Variants in MRGPRF observed in about 807,000 individuals in gnomAD.
The protein encoded by MRGPRF is MAS related GPR family member F.
In MRGPRF, 2 loss-of-function variants were observed where a neutral mutation model predicts 3.3. That is an observed-to-expected ratio of 0.61 (90% CI 0.25 to 1.92). The LOEUF (loss-of-function observed/expected upper bound fraction) is 1.92. Ranked by LOEUF, MRGPRF falls within the 40% of genes most tolerant of loss-of-function variation. The pLI is 0.16. For missense variants in MRGPRF, 500 were observed against 476.0 expected, an observed-to-expected ratio of 1.05 and a Z score of -0.47; for synonymous variants, 242 against 222.7, an observed-to-expected ratio of 1.09 and a Z score of -0.77.
rs771332844 is a variant in MRGPRF at position 69,006,211 on chromosome 11, C to G, written c.99G>C (p.Leu33=). Reference sequence around the variant, plus strand: ...GCAGCATCGCGATCTGCTCGATGGTCAGGAAGCCCCGGCTGTAGAGTTCCG... The same window carrying G: ...GCAGCATCGCGATCTGCTCGATGGTGAGGAAGCCCCGGCTGTAGAGTTCCG... The part of the protein sequence containing the change: ...EAPELYSRGF[L]TIEQIAMLPP... Residue 33 remains leucine (L), a synonymous_variant, in exon 3 of 3, where the codon CTG becomes CTC. Coordinates refer to ENST00000309099, the MANE Select transcript of MRGPRF (RefSeq NM_145015.5). 1 of 1,613,570 alleles carries G rather than the reference C, an allele frequency of 6.2e-7. No individual in the cohort carries two copies.
chr11:69,008,469 G>A (rs1041314868), intron 2 of MRGPRF, among the ~76,000 whole-genome samples: 4 of 152,220 alleles, frequency 2.6e-5, no homozygotes. Flanking sequence ...CTGAGAGACT[G>A]TTCTCTGGGT....
In MRGPRF at chr11:69,004,552, C is replaced by G. The variant is rs1314353416; in HGVS notation, c.*726G>C. ...TGGGGGCTGGAGCCAAGAGGCTGTC[C>G]AGGAGCTGCCCAGTGGGTCCTCATG... On this transcript the variant is annotated 3_prime_UTR_variant, in exon 3 of 3. Transcript: ENST00000309099. 1.3e-5 allele frequency: 2 copies of G among 152,366 alleles called. No homozygotes were observed. The highest frequency in any genetic ancestry group is 2.9e-5 in the Non-Finnish European group (2 of 68,148). 9.4% of individuals were successfully genotyped at this position (152,366 alleles called of 1,614,324 possible).
Position 69,005,407 on chromosome 11 carries a change from C to A in MRGPRF, c.903G>T (p.Arg301=). The change falls in exon 3 of 3, where the codon CGG becomes CGT. Residue 301 remains arginine, a synonymous_variant. Transcript: ENST00000309099. Reference sequence around the variant, plus strand: ...AGACCACCCTGAGCGGCTCCCACAGCCGCTGCGACTTGTCCCTCCCGGCCA... The same window carrying A: ...AGACCACCCTGAGCGGCTCCCACAGACGCTGCGACTTGTCCCTCCCGGCCA... ...YFLAGRDKSQ[R]LWEPLRVVFQ... 2 of 1,580,936 alleles carry A rather than the reference C, an allele frequency of 1.3e-6. No homozygotes were observed. Among genetic ancestry groups the A allele is most frequent in the Non-Finnish European group, 1.7e-6 (2 of 1,163,970 alleles).
intron 1 of MRGPRF, among the ~76,000 whole-genome samples, chr11:69,011,142 C>T (rs1355422785): frequency 1.3e-5 from 2 of 152,134 alleles, no homozygotes; most frequent in African/African-American, 4.8e-5. Context: ...CCACGTGCCC[C>T]CGCCCGCCGC....
At position 69,005,779 on chromosome 11, in the gene MRGPRF, C is replaced by T. The variant is rs1289016581; in HGVS notation, c.531G>A (p.Leu177=). ...LWVLSLLVTC[L]HNYFCVFLGR... The stretch of plus-strand genomic sequence containing the variant: ...CCAGGAACACGCAGAAGTAGTTGTG[C>T]AGGCAGGTGACCAGGAGGGACAGGA... The change falls in exon 3 of 3, where the codon CTG becomes CTA. Residue 177 remains leucine, a synonymous_variant. Transcript: ENST00000309099. 5 of 1,543,392 alleles carry T rather than the reference C, an allele frequency of 3.2e-6. No homozygotes were observed. In the East Asian group the frequency reaches 7.3e-5, roughly 23 times the overall value.
rs11326908 is a variant in MRGPRF, at chr11:69,006,619, C to CTTTTTT, written c.49-364_49-359dup. Among the ~76,000 whole-genome samples the CTTTTTT allele has an allele frequency of 4.2e-4, 45 of 107,920 alleles. 1 individual carries two copies. The highest frequency in any genetic ancestry group is 1.0e-3 in the African/African-American group (28 of 26,732). 70.8% of individuals were successfully genotyped at this position (107,920 alleles called of 152,430 possible). A position where few individuals can be genotyped will look rare whatever the true frequency, so the allele number is the denominator to read the frequency against. ...GCACAAAAAACTGCAGAGCCTTTCC[C>CTTTTTT]TTTTTTTTTTTTTTTTTTTTTGAGA... On this transcript the variant is annotated intron_variant, in intron 2 of 2. Transcript: ENST00000309099.
At position 69,006,275 on chromosome 11, in the gene MRGPRF, G is replaced by A. The variant is rs375811365; in HGVS notation, c.49-14C>T. ...GCCAGGGCACATCTGCGCAGGTGCA[G>A]AGAGGGACACCTGTGATGCCGGCTG... On this transcript the variant is annotated splice_polypyrimidine_tract_variant and intron_variant, in intron 2 of 2. Transcript: ENST00000309099. 37 of 1,589,196 alleles carry A rather than the reference G, an allele frequency of 2.3e-5. No homozygotes were observed. The African/African-American group carries it at 4.7e-4, about 20-fold the overall frequency.
upstream of MRGPRF, chr11:69,013,516 C>G (rs115681914): frequency 0.013 from 1,925 of 152,556 alleles, 40 homozygotes; most frequent in African/African-American, 0.043. Context: ...GAGGGAGCAC[C>G]GGCTGTACAC....
In MRGPRF at chr11:69,005,698, G is replaced by A; in HGVS notation, c.612C>T (p.Leu204=). The change falls in exon 3 of 3, where the codon CTC becomes CTT. Residue 204 remains leucine (L), a synonymous_variant. Coordinates refer to ENST00000309099, the MANE Select transcript of MRGPRF (RefSeq NM_145015.5). ...CRHMDIFLGI[L]LFLLCCPLMV... ...TGAGCGGGCAGCAGAGCAGGAACAGGAGGATGCCCAGGAAGATGTCCATGT... is the reference window on the plus strand; with the variant it reads ...TGAGCGGGCAGCAGAGCAGGAACAGAAGGATGCCCAGGAAGATGTCCATGT... 1.3e-6 allele frequency: 2 copies of A among 1,551,006 alleles called. No individual in the cohort carries two copies. Among genetic ancestry groups the A allele is most frequent in the Non-Finnish European group, 1.7e-6 (2 of 1,147,028 alleles).
intron 1 of MRGPRF, among the ~76,000 whole-genome samples, chr11:69,011,670 G>A (rs750967436): frequency 4.6e-5 from 7 of 152,142 alleles, no homozygotes; most frequent in Admixed American, 3.9e-4. Flanking sequence ...TCATCCTTCC[G>A]GGCGCCTGGT....
intron 1 of MRGPRF, among the ~76,000 whole-genome samples, chr11:69,010,523 C>G (rs932568565): frequency 2.6e-5 from 4 of 152,194 alleles, no homozygotes; most frequent in Non-Finnish European, 5.9e-5. Flanking sequence ...CACCACTTAC[C>G]CTGCCAGCCC....
At chr11:69,010,769 C>G (rs1860578636) in intron 1 of MRGPRF, among the ~76,000 whole-genome samples, 1 of 151,976 alleles carries the variant, frequency 6.6e-6, no homozygotes, top group Non-Finnish European at 1.5e-5. Flanking sequence ...AATGGGAGGC[C>G]TGGGGTAGGG....
intron 1 of MRGPRF, among the ~76,000 whole-genome samples, chr11:69,012,774 G>T (rs962675340): frequency 1.3e-5 from 2 of 152,172 alleles, no homozygotes; most frequent in Non-Finnish European, 2.9e-5. Context: ...TGGACGGTGG[G>T]GCTGGGGGTG....
upstream of MRGPRF, chr11:69,013,454 G>A (rs1270552264): frequency 6.6e-6 from 1 of 152,392 alleles, no homozygotes; most frequent in Non-Finnish European, 1.5e-5. Context: ...TGCAGCCCGA[G>A]TCCAGCTGTT....
intron 2 of MRGPRF, among the ~76,000 whole-genome samples, chr11:69,007,651 A>G (rs1408098442): frequency 1.3e-5 from 2 of 152,190 alleles, no homozygotes; most frequent in Admixed American, 1.3e-4. Flanking sequence ...AAATCTTGCA[A>G]TGTTTCAACA....
rs375297879 is a variant in MRGPRF at position 69,010,175 on chromosome 11, G to A, written c.-56-218C>T. Among the ~76,000 whole-genome samples, 27 of 152,364 alleles carry A rather than the reference G, an allele frequency of 1.8e-4. No individual in the cohort carries two copies. The East Asian group carries it at 4.8e-3, about 27-fold the overall frequency. On this transcript the variant is annotated intron_variant, in intron 1 of 2. Transcript: ENST00000309099. ...CGGCCCCCTCCTGCCTGTGGACTCC[G>A]CGTCAGCCCCACCGCAGCTCACTGG...
At chr11:69,010,043 G>A (rs946830548) in intron 1 of MRGPRF, 86 bp from the exon 2 acceptor site, 14 of 808,690 alleles carry the variant, frequency 1.7e-5, no homozygotes, top group African/African-American at 1.6e-4. Flanking sequence ...CCCAAGGCCT[G>A]TGGCTCTCAG....
intron 2 of MRGPRF, among the ~76,000 whole-genome samples, chr11:69,007,101 CA>C (rs1440263186): frequency 2.6e-5 from 4 of 152,222 alleles, no homozygotes; most frequent in Admixed American, 6.5e-5. Flanking sequence ...TTGAATGTGA[CA>C]ATGTACTGTG....
rs150224439 is a variant in MRGPRF, at chr11:69,010,105, T to C, written c.-56-148A>G. On this transcript the variant is annotated intron_variant, in intron 1 of 2. Transcript: ENST00000309099. ...CCCCACACCCTCAGCAGCAGGGGCATTGTGGGACTGTCCTGGTGAGATTCT... is the reference window on the plus strand; with the variant it reads ...CCCCACACCCTCAGCAGCAGGGGCACTGTGGGACTGTCCTGGTGAGATTCT... 2.0e-3 allele frequency: 1,226 copies of C among 606,652 alleles called. 4 individuals are homozygous for C. The African/African-American group carries it at 0.021, about 10-fold the overall frequency. The allele number at this position is 606,652 out of a possible 1,614,324, so 37.6% of individuals were successfully genotyped here. A position where few individuals can be genotyped will look rare whatever the true frequency, so the allele number is the denominator to read the frequency against.
Sources: gnomAD v4.1 joint callset for allele counts (sites outside exome capture counted in the v4.1 genomes callset) on GRCh38, gnomAD v4.1.1 for gene constraint, MANE v1.5 for transcripts, NCBI Gene and HGNC (gene_info 2026-07-23, HGNC 2026-07-21) for gene names.